TBCD: variants seen among roughly 807,000 people sequenced by gnomAD.
TBCD encodes the protein tubulin-specific chaperone D.
A neutral mutation model predicts 169.3 loss-of-function variants in TBCD; 105 were observed. That is an observed-to-expected ratio of 0.62 (90% CI 0.53 to 0.73). The LOEUF is 0.73. Ranked by LOEUF, TBCD falls within the 30% of genes least tolerant of loss-of-function variation. The pLI is 0.00. For missense variants in TBCD, 1,444 were observed against 1,600.1 expected (o/e 0.90, Z 1.66); for synonymous variants, 700 against 643.9 (o/e 1.09, Z -1.32).
At chr17:82,791,092 T>TTTC (rs2049690411) in intron 7 of TBCD, among the ~76,000 whole-genome samples, 1 of 3,594 alleles carries the variant, frequency 2.8e-4, no homozygotes, top group African/African-American at 3.4e-3. Context: ...CTCTTGCATC[T>TTTC]TTTTTTTTTT....
chr17:82,872,457 G>A (rs1430088481), intron 14 of TBCD, among the ~76,000 whole-genome samples: 3 of 152,196 alleles, frequency 2.0e-5, no homozygotes, highest in Admixed American at 2.0e-4. Flanking sequence ...AAGACGGAGA[G>A]GTCCGGCTTT....
At chr17:82,865,474 A>T in intron 13 of TBCD, 8 of 985,472 alleles carry the variant, frequency 8.1e-6, no homozygotes, top group Non-Finnish European at 9.6e-6. Context: ...TCTCTGGGCT[A>T]TGTGGGAGGT....
chr17:82,886,738 T>G (rs1427941650), intron 15 of TBCD, among the ~76,000 whole-genome samples: 1 of 130,542 alleles, frequency 7.7e-6, no homozygotes, highest in African/African-American at 2.8e-5. Context: ...GGTGCGATCT[T>G]GGCTTATTGC....
At chr17:82,883,167 G>A (rs1188380848) in intron 14 of TBCD, among the ~76,000 whole-genome samples, 1 of 152,266 alleles carries the variant, frequency 6.6e-6, no homozygotes, top group Non-Finnish European at 1.5e-5. Context: ...CACGGCTCAG[G>A]TCTGTCAACT....
In TBCD at chr17:82,915,603, G is replaced by A. The variant is rs566358412; in HGVS notation, c.2038+3814G>A. Among the ~76,000 whole-genome samples, 4 of 152,284 alleles carry A rather than the reference G, an allele frequency of 2.6e-5. No homozygotes were observed. The highest frequency in any genetic ancestry group is 2.1e-4 in the South Asian group (1 of 4,822). ...GGGTTTGTCAGTCAGGGTGGACTGC[G>A]TTTTGCTCTTGAAACAATCCCCAAG... On this transcript the variant is annotated intron_variant, in intron 23 of 38. Coordinates refer to ENST00000355528, the MANE Select transcript of TBCD (RefSeq NM_005993.5). The surrounding 1 kb of genome is among the most constrained non-coding windows in gnomAD (Gnocchi z 4.3).
At chr17:82,868,700 A>G (rs543596740) in intron 13 of TBCD, among the ~76,000 whole-genome samples, 1 of 152,242 alleles carries the variant, frequency 6.6e-6, no homozygotes, top group South Asian at 2.1e-4. Context: ...TAATATTCGT[A>G]GTCCTACAGT....
At chr17:82,868,910 C>T (rs574626421) in intron 13 of TBCD, among the ~76,000 whole-genome samples, 184 of 152,064 alleles carry the variant, frequency 1.2e-3, no homozygotes, top group African/African-American at 4.3e-3. Flanking sequence ...TGGAGCGGGT[C>T]GTGTGCAGAG....
chr17:82,774,355 A>T (rs1339473881), intron 6 of TBCD, among the ~76,000 whole-genome samples: 1 of 152,326 alleles, frequency 6.6e-6, no homozygotes, highest in African/African-American at 2.4e-5. Context: ...TTCAGAGAGC[A>T]CGGAGTTGGG....
intron 23 of TBCD, chr17:82,913,554 T>C (rs919943312): frequency 6.6e-6 from 1 of 151,950 alleles, no homozygotes; most frequent in African/African-American, 2.4e-5. Context: ...TGGCCGGTGG[T>C]GACGGAGTTG....
chr17:82,889,360 C>G lies in TBCD; in HGVS notation c.1534-308C>G, dbSNP rs938784416. On this transcript the variant is annotated intron_variant, in intron 15 of 38. Transcript: ENST00000355528. The surrounding 1 kb of genome is among the most constrained non-coding windows in gnomAD (Gnocchi z 5.3). ...GGCTCTGGGCTTTGATTTAACCTGC[C>G]TGTCTGTCTCTCTGAGTTGACAGCC... is the stretch of plus-strand genomic sequence containing the variant. 6.6e-6 allele frequency among the ~76,000 whole-genome samples: 1 copy of G among 152,158 alleles called. No homozygotes were observed. The highest frequency in any genetic ancestry group is 1.5e-5 in the Non-Finnish European group (1 of 68,014).
In TBCD at chr17:82,840,953, G is replaced by GTTTTTTTTTTTTTTTTTTTTTTT. The variant is rs755302623; in HGVS notation, c.1318+26019_1318+26020insTTTTTTTTTTTTTTTTTTTTTTT. Among the ~76,000 whole-genome samples, 35 of 70,554 alleles carry GTTTTTTTTTTTTTTTTTTTTTTT rather than the reference G, an allele frequency of 5.0e-4. 17 individuals are homozygous for GTTTTTTTTTTTTTTTTTTTTTTT. Among genetic ancestry groups the GTTTTTTTTTTTTTTTTTTTTTTT allele is most frequent in the African/African-American group, 1.2e-3 (21 of 17,982 alleles). 46.3% of individuals were successfully genotyped at this position (70,554 alleles called of 152,430 possible). A position where few individuals can be genotyped will look rare whatever the true frequency, so the allele number is the denominator to read the frequency against. The stretch of plus-strand genomic sequence containing the variant: ...ACGAGCTGGCCAGGACAGACAAACT[G>GTTTTTTTTTTTTTTTTTTTTTTT]GTTTTTTTTTTTTTTTTTTTTTTTT... On this transcript the variant is annotated intron_variant, in intron 13 of 38. Coordinates refer to ENST00000355528, the MANE Select transcript of TBCD (RefSeq NM_005993.5).
intron 12 of TBCD, among the ~76,000 whole-genome samples, chr17:82,813,975 A>G (rs1162896849): frequency 2.0e-5 from 3 of 152,222 alleles, no homozygotes; most frequent in Non-Finnish European, 2.9e-5. Context: ...CCAGCTAGTC[A>G]TACAATTTAG....
intron 32 of TBCD, chr17:82,929,813 T>G (rs2062050864): frequency 2.0e-6 from 1 of 502,932 alleles, no homozygotes; most frequent in Non-Finnish European, 3.6e-6. Flanking sequence ...TGCCTGCATG[T>G]GGGTACCTGG....
chr17:82,830,628 C>G (rs750090135), intron 13 of TBCD: 1 of 1,613,908 alleles, frequency 6.2e-7, no homozygotes, highest in African/African-American at 1.3e-5. Context: ...GCCTCGGAGC[C>G]TGGGTGTTAC....
At chr17:82,797,272 G>A (rs79624943) in intron 7 of TBCD, among the ~76,000 whole-genome samples, 4,680 of 152,330 alleles carry the variant, frequency 0.031, 111 homozygotes, top group Middle Eastern at 0.078. Context: ...TGCCAGGTGT[G>A]TGTGTGAGAC....
At position 82,930,512 on chromosome 17, in the gene TBCD, C is replaced by T. The variant is rs1486634522; in HGVS notation, c.2992-10C>T. On this transcript the variant is annotated splice_polypyrimidine_tract_variant and intron_variant, in intron 32 of 38. Coordinates refer to ENST00000355528, the MANE Select transcript of TBCD (RefSeq NM_005993.5). This position sits in a 1 kb window ranked among gnomAD's most constrained non-coding sequence, Gnocchi z 5.2. ...GTCCCACTGCCTTCTGAGGTGTCTCCGTGTTGCAGATCCGGCACTCCACCC... is the reference window on the plus strand; with the variant it reads ...GTCCCACTGCCTTCTGAGGTGTCTCTGTGTTGCAGATCCGGCACTCCACCC... The T allele has an allele frequency of 3.2e-5, 52 of 1,611,818 alleles. 1 individual carries two copies. The East Asian group carries it at 5.8e-4, about 18-fold the overall frequency.
At chr17:82,841,751 A>G (rs992937053) in intron 13 of TBCD, among the ~76,000 whole-genome samples, 1 of 152,124 alleles carries the variant, frequency 6.6e-6, no homozygotes, top group Non-Finnish European at 1.5e-5. Flanking sequence ...GGCCTGGCCG[A>G]GTGCTGCTTC....
chr17:82,939,593 CCAG>C, intron 37 of TBCD, 117 bp downstream of exon 37: 1 of 806,802 alleles, frequency 1.2e-6, no homozygotes, highest in Non-Finnish European at 2.0e-6. Flanking sequence ...AAGAGGGTTC[CCAG>C]GTCTCCACAT....
At chr17:82,940,934 C>G (rs1254718908) in intron 37 of TBCD, among the ~76,000 whole-genome samples, 1 of 151,984 alleles carries the variant, frequency 6.6e-6, no homozygotes, top group South Asian at 2.1e-4. Context: ...GGGGGCTTCT[C>G]CTATCGTTTA....
Sources: allele counts gnomAD v4.1 joint callset (sites outside exome capture counted in the v4.1 genomes callset), GRCh38; gene constraint gnomAD v4.1.1; non-coding constraint Gnocchi (gnomAD v3.1); transcripts MANE v1.5; gene names NCBI Gene and HGNC (gene_info 2026-07-23, HGNC 2026-07-21).